Variants in TG observed in about 807,000 individuals in gnomAD.
TG encodes thyroid hormones.
TG carries 270 observed loss-of-function variants against 324.7 expected under a neutral mutation model. The observed-to-expected ratio is 0.83, with a 90% CI of 0.75 to 0.92. The LOEUF is 0.92. TG is among the 40% of genes least tolerant of loss of function. The pLI is 0.00. For missense variants in TG, 3,591 were observed against 3,456.4 expected, an observed-to-expected ratio of 1.04 and a Z score of -0.98; for synonymous variants, 1,401 against 1,327.0, an observed-to-expected ratio of 1.06 and a Z score of -1.21.
intron 45 of TG, among the ~76,000 whole-genome samples, chr8:133,127,680 A>G (rs554318682): frequency 6.6e-6 from 1 of 152,286 alleles, no homozygotes; most frequent in African/African-American, 2.4e-5. Context: ...CATGCAGTTT[A>G]GTGGTTTTTC....
At position 132,882,980 on chromosome 8, in the gene TG, AG is replaced by A. The variant is rs1041305624; in HGVS notation, c.1060del (p.Glu354SerfsTer48). On this transcript the variant is annotated frameshift_variant, in exon 8 of 48. Transcript: ENST00000220616. LOFTEE classifies it high-confidence loss of function. ...GKEMHGTRQQGEPPSCAEGQS... is the reference protein window; with the variant it reads ...GKEMHGTRQQXEPPSCAEGQS... ...AGGAAATGCATGGAACCCGGCAGCA[AG>A]GGGAGCCGCCATCTTGTGGTGGGTT... The A allele has an allele frequency of 6.2e-7, 1 of 1,613,842 alleles. No individual in the cohort carries two copies. Among genetic ancestry groups the A allele is most frequent in the Non-Finnish European group, 8.5e-7 (1 of 1,179,954 alleles).
intron 41 of TG, chr8:133,047,900 G>A (rs1277867361): frequency 9.9e-6 from 16 of 1,612,292 alleles, no homozygotes; most frequent in South Asian, 3.3e-5. Flanking sequence ...GCAGCTCCTC[G>A]GCCTTGTCTC....
chr8:133,115,519 C>G (rs867406760), intron 44 of TG, among the ~76,000 whole-genome samples: 15 of 152,306 alleles, frequency 9.8e-5, no homozygotes, highest in Middle Eastern at 3.4e-3. Flanking sequence ...GCAGACTCAC[C>G]AAAGGCTTTT....
intron 35 of TG, among the ~76,000 whole-genome samples, chr8:133,005,339 T>C (rs955699114): frequency 1.3e-5 from 2 of 152,062 alleles, no homozygotes; most frequent in African/African-American, 4.8e-5. Context: ...AGGAGTCAGA[T>C]GTTTGGTGGG....
At chr8:133,060,104 C>A in intron 41 of TG, 1 of 1,595,282 alleles carries the variant, frequency 6.3e-7, no homozygotes, top group Non-Finnish European at 8.5e-7. Flanking sequence ...ACTTACCCTC[C>A]GGGTTGGGCA....
intron 24 of TG, among the ~76,000 whole-genome samples, chr8:132,934,986 C>T (rs1197018923): frequency 2.0e-5 from 3 of 152,076 alleles, no homozygotes; most frequent in Non-Finnish European, 2.9e-5. Flanking sequence ...GCCTCTCTCT[C>T]CTCTCCCGTC....
chr8:132,938,744 G>A (rs918262586), intron 25 of TG, among the ~76,000 whole-genome samples: 1 of 152,108 alleles, frequency 6.6e-6, no homozygotes, highest in Non-Finnish European at 1.5e-5. Context: ...TTGGAACTCT[G>A]ATCTGAAGGA....
chr8:133,011,371 C>T (rs1175958012), intron 35 of TG, among the ~76,000 whole-genome samples: 1 of 151,468 alleles, frequency 6.6e-6, no homozygotes, highest in East Asian at 1.9e-4. Context: ...AGCTTAACAA[C>T]AGTTGGGGAA....
chr8:133,114,392 C>T (rs572544370), intron 44 of TG, among the ~76,000 whole-genome samples: 6 of 152,210 alleles, frequency 3.9e-5, no homozygotes, highest in African/African-American at 1.2e-4. Flanking sequence ...AGCACGCCCC[C>T]GGCCCCAGGG....
intron 41 of TG, among the ~76,000 whole-genome samples, chr8:133,077,729 GTGTGTA>G (rs1440428655): frequency 1.2e-5 from 1 of 85,776 alleles, no homozygotes; most frequent in Admixed American, 1.2e-4. Context: ...GCATTCTCTG[GTGTGTA>G]TGTGTGTGTG....
In TG at chr8:132,873,109, G is replaced by A. The variant is rs1839653779; in HGVS notation, c.526G>A (p.Gly176Arg). 2.5e-6 allele frequency: 4 copies of A among 1,614,042 alleles called. No individual in the cohort carries two copies. The South Asian group carries it at 4.4e-5, about 18-fold the overall frequency. The part of the protein sequence containing the change: ...IRNRRLLHGV[G>R]DKSPPQCSAE... ...AAATCGTCGTCTTCTCCACGGGGTG[G>A]GAGATAAGTCACCACCCCAGTGTTC... Residue 176 changes from glycine (G) to arginine (R), a missense_variant, in exon 5 of 48, where the codon GGA (glycine) becomes AGA (arginine). Gly to Arg is a moderately radical substitution (Grantham distance 125). Coordinates refer to ENST00000220616, the MANE Select transcript of TG (RefSeq NM_003235.5).
At chr8:133,067,912 AAGGAAAGAG>A (rs1564145809) in intron 41 of TG, among the ~76,000 whole-genome samples, 1 of 60,536 alleles carries the variant, frequency 1.7e-5, no homozygotes, top group Non-Finnish European at 4.5e-5. Flanking sequence ...GGAAGGAAGG[AAGGAAAGAG>A]AGAGAGAGAG....
chr8:132,931,892 A>G (rs2132547476), intron 23 of TG, among the ~76,000 whole-genome samples: 1 of 152,218 alleles, frequency 6.6e-6, no homozygotes, highest in Admixed American at 6.5e-5. Flanking sequence ...AGCCTGGGCA[A>G]TGTGGTGAAA....
chr8:133,057,774 C>A (rs72729516), intron 41 of TG, among the ~76,000 whole-genome samples: 49 of 141,988 alleles, frequency 3.5e-4, no homozygotes, highest in South Asian at 6.6e-4. Context: ...AAACAAAAAA[C>A]AAAAAAAAAA....
chr8:133,112,550 GAGA>G (rs952199287), intron 43 of TG, among the ~76,000 whole-genome samples: 3 of 151,704 alleles, frequency 2.0e-5, no homozygotes, highest in Non-Finnish European at 4.4e-5. Flanking sequence ...GAAATAGAGA[GAGA>G]AGGAGAGAGA....
chr8:133,067,122 G>T (rs567000301), intron 41 of TG, among the ~76,000 whole-genome samples: 223 of 152,248 alleles, frequency 1.5e-3, no homozygotes, highest in Middle Eastern at 6.8e-3. Flanking sequence ...CTTAGCATCC[G>T]GTGGTCTCCC....
intron 34 of TG, among the ~76,000 whole-genome samples, chr8:132,979,349 AGTT>A (rs902816701): frequency 6.6e-6 from 1 of 152,196 alleles, no homozygotes; most frequent in Non-Finnish European, 1.5e-5. Context: ...TAGAAAAGAG[AGTT>A]GAAGCCTCAC....
chr8:133,068,123 A>C (rs749873748), intron 41 of TG, among the ~76,000 whole-genome samples: 1 of 152,178 alleles, frequency 6.6e-6, no homozygotes, highest in Non-Finnish European at 1.5e-5. Context: ...TAGCAACTCA[A>C]CACTCTCACA....
intron 2 of TG, 151 bp from the exon 3 acceptor site, chr8:132,869,578 C>G: frequency 2.9e-6 from 2 of 700,750 alleles, no homozygotes; most frequent in Non-Finnish European, 5.0e-6. Context: ...TTTCCCAGGT[C>G]AGCCACCCTT....
Sources: allele counts gnomAD v4.1 joint callset (sites outside exome capture counted in the v4.1 genomes callset), GRCh38; gene constraint gnomAD v4.1.1; transcripts MANE v1.5; gene names NCBI Gene and HGNC (gene_info 2026-07-23, HGNC 2026-07-21).